The following GNB4 variants were observed in gnomAD, a reference collection of about 807,000 sequenced individuals.
GNB4 encodes the protein G protein subunit beta 4.
Under a neutral mutation model 45.2 loss-of-function variants are expected in GNB4, and 28 were observed. That is an observed-to-expected ratio of 0.62 (90% CI 0.46 to 0.85). The LOEUF (loss-of-function observed/expected upper bound fraction) is 0.85. Ranked by LOEUF, GNB4 falls within the 40% of genes least tolerant of loss-of-function variation. The probability of loss-of-function intolerance (pLI) is 0.00; values close to 1 mark genes in which losing one functional copy is unlikely to be tolerated. For missense variants in GNB4, 321 were observed against 425.4 expected (o/e 0.75, Z 2.16); for synonymous variants, 132 against 143.7 (o/e 0.92, Z 0.58).
chr3:179,512,837 G>A, the GNB4 span, among the ~76,000 whole-genome samples: 1 of 152,092 alleles, frequency 6.6e-6, no homozygotes, highest in Non-Finnish European at 1.5e-5. Flanking sequence ...TCAGCTTTGC[G>A]TAGATAATCC....
At chr3:179,414,712 TCAA>T (rs1022819381) in intron 6 of GNB4, among the ~76,000 whole-genome samples, 170 bp downstream of exon 6, 27 of 148,876 alleles carry the variant, frequency 1.8e-4, no homozygotes, top group South Asian at 1.3e-3. Context: ...AAAATTATGA[TCAA>T]CGTTTGTATG....
At position 179,396,207 on chromosome 3, in the gene GNB4, C is replaced by T. The variant is rs1283994582; in HGVS notation, c.*5006G>A. The T allele has an allele frequency of 1.3e-5, 2 of 152,292 alleles. No homozygotes were observed. Among genetic ancestry groups the T allele is most frequent in the Non-Finnish European group, 2.9e-5 (2 of 68,014 alleles). 9.4% of individuals were successfully genotyped at this position (152,292 alleles called of 1,614,324 possible). On this transcript the variant is annotated 3_prime_UTR_variant, in exon 10 of 10. Coordinates refer to ENST00000232564, the MANE Select transcript of GNB4 (RefSeq NM_021629.4). ...ATCTAAGAACAGTTAAATCATGATA[C>T]AAGTCCATAGTTTATATGGTTTAGA... is the stretch of plus-strand genomic sequence containing the variant.
chr3:179,425,737 C>G (rs1346973134), intron 2 of GNB4, among the ~76,000 whole-genome samples: 1 of 152,198 alleles, frequency 6.6e-6, no homozygotes, highest in African/African-American at 2.4e-5. Context: ...TCCCAAAGTG[C>G]TGGGATTACA....
the GNB4 span, among the ~76,000 whole-genome samples, chr3:179,520,652 T>A: frequency 6.6e-6 from 1 of 152,168 alleles, no homozygotes; most frequent in Non-Finnish European, 1.5e-5. Flanking sequence ...CTCCTTCAGC[T>A]GTACTCACTC....
chr3:179,520,865 A>G, the GNB4 span, among the ~76,000 whole-genome samples: 1 of 152,116 alleles, frequency 6.6e-6, no homozygotes. Context: ...ACCAGGCCTA[A>G]TCACCACACA....
intron 8 of GNB4, among the ~76,000 whole-genome samples, chr3:179,409,823 AAAAAC>A (rs1321443973): frequency 8.5e-6 from 1 of 117,214 alleles, no homozygotes; most frequent in Non-Finnish European, 1.8e-5. Flanking sequence ...AAAAAAACAA[AAAAAC>A]AAAACAAAAA....
chr3:179,516,642 G>A, the GNB4 span, among the ~76,000 whole-genome samples: 41 of 152,264 alleles, frequency 2.7e-4, no homozygotes, highest in Admixed American at 2.2e-3. Context: ...GCGGGCTAGC[G>A]GCTTGTAACC....
chr3:179,414,976 G>A lies in GNB4; in HGVS notation c.339C>T (p.Ala113=), dbSNP rs1417667919. The A allele has an allele frequency of 1.2e-5, 19 of 1,612,236 alleles. No homozygotes were observed. The highest frequency in any genetic ancestry group is 1.5e-5 in the Non-Finnish European group (18 of 1,178,870). ...CAYAPSGNYV[A]CGGLDNICSI... ...AGCAGATGTTGTCCAAGCCTCCACA[G>A]GCAACATAATTACCAGAGGGAGCAT... Residue 113 remains alanine, a synonymous_variant, in exon 6 of 10, where the codon GCC becomes GCT. Coordinates refer to ENST00000232564, the MANE Select transcript of GNB4 (RefSeq NM_021629.4).
At chr3:179,431,176 C>T (rs565224219) in intron 1 of GNB4, among the ~76,000 whole-genome samples, 6 of 152,286 alleles carry the variant, frequency 3.9e-5, no homozygotes, top group Admixed American at 1.3e-4. Context: ...CTATATAATA[C>T]ATTTAGCTAT....
At chr3:179,441,868 C>T (rs1715601713) in intron 1 of GNB4, among the ~76,000 whole-genome samples, 2 of 151,994 alleles carry the variant, frequency 1.3e-5, no homozygotes, top group South Asian at 4.1e-4. Flanking sequence ...TGCAGTGGCA[C>T]ACGATCTCGG....
intron 9 of GNB4, among the ~76,000 whole-genome samples, chr3:179,403,404 G>A (rs1021060518): frequency 1.4e-4 from 22 of 152,084 alleles, no homozygotes; most frequent in African/African-American, 2.9e-4. Context: ...AGATGGTAGC[G>A]AAAATGAAAA....
chr3:179,427,605 T>TAAAAAAAAAAAAAAAAAAAA, intron 1 of GNB4, among the ~76,000 whole-genome samples: 1 of 129,730 alleles, frequency 7.7e-6, no homozygotes, highest in Non-Finnish European at 1.6e-5. Flanking sequence ...ACTCTGGCTT[T>TAAAAAAAAAAAAAAAAAAAA]AAAAAAAAAA....
the GNB4 span, among the ~76,000 whole-genome samples, chr3:179,523,369 G>T: frequency 1.3e-5 from 2 of 152,208 alleles, no homozygotes; most frequent in Non-Finnish European, 2.9e-5. Context: ...AGGCTGGGAT[G>T]AAGGGTGCAA....
At chr3:179,502,694 A>T in the GNB4 span, among the ~76,000 whole-genome samples, 17,318 of 152,158 alleles carry the variant, frequency 0.11, 1,217 homozygotes, top group Admixed American at 0.18. Context: ...GGTCTTTGAT[A>T]TTTAAGCCTT....
intron 1 of GNB4, among the ~76,000 whole-genome samples, chr3:179,450,208 A>G (rs1012579420): frequency 6.6e-6 from 1 of 152,232 alleles, no homozygotes; most frequent in Non-Finnish European, 1.5e-5. Flanking sequence ...TATACAGTAA[A>G]TTTTCAGAGC....
At chr3:179,506,314 G>C in the GNB4 span, among the ~76,000 whole-genome samples, 2 of 152,050 alleles carry the variant, frequency 1.3e-5, no homozygotes, top group African/African-American at 2.4e-5. Flanking sequence ...CTCCAGCCTG[G>C]GCGATGAAGT....
chr3:179,464,927 A>G, the GNB4 span: 1 of 1,533,522 alleles, frequency 6.5e-7, no homozygotes, highest in Non-Finnish European at 9.0e-7. Context: ...CCTAGGGAAG[A>G]ATGTGGTTGT....
chr3:179,525,622 A>C, the GNB4 span, among the ~76,000 whole-genome samples: 1 of 152,226 alleles, frequency 6.6e-6, no homozygotes, highest in Admixed American at 6.5e-5. Flanking sequence ...ATAATCAGGC[A>C]GGCGTCCCCG....
At chr3:179,497,034 A>G in the GNB4 span, among the ~76,000 whole-genome samples, 1 of 152,106 alleles carries the variant, frequency 6.6e-6, no homozygotes, top group Non-Finnish European at 1.5e-5. Context: ...GAAATTTGGG[A>G]TTAATTTTTT....
Sources: gnomAD v4.1 joint callset for allele counts (sites outside exome capture counted in the v4.1 genomes callset) on GRCh38, gnomAD v4.1.1 for gene constraint, MANE v1.5 for transcripts, NCBI Gene and HGNC (gene_info 2026-07-23, HGNC 2026-07-21) for gene names.